The following TSG101 variants were observed in gnomAD, a reference collection of about 807,000 sequenced individuals.
TSG101 encodes tumor susceptibility 101, also known as tumor susceptibility gene 101 protein.
TSG101 carries 19 observed loss-of-function variants against 48.5 expected under a neutral mutation model. That is an observed-to-expected ratio of 0.39 (90% CI 0.27 to 0.58). The LOEUF (loss-of-function observed/expected upper bound fraction) is 0.58, where lower values mean the gene tolerates loss of function less well. Ranked by LOEUF, TSG101 falls within the 20% of genes least tolerant of loss-of-function variation. The pLI, the probability that TSG101 is intolerant of heterozygous loss-of-function variation, is 0.55. For synonymous variants in TSG101, 174 were observed against 169.4 expected, an observed-to-expected ratio of 1.03 and a Z score of -0.21; for missense variants, 365 against 484.4, an observed-to-expected ratio of 0.75 and a Z score of 2.31.
intron 1 of TSG101, among the ~76,000 whole-genome samples, chr11:18,522,374 T>C (rs1000830995): frequency 3.9e-5 from 6 of 152,216 alleles, no homozygotes; most frequent in African/African-American, 1.4e-4. Flanking sequence ...TATACATACA[T>C]ATCCTTCCAG....
chr11:18,515,197 C>CA (rs1288883510), intron 3 of TSG101, among the ~76,000 whole-genome samples: 1 of 152,136 alleles, frequency 6.6e-6, no homozygotes, highest in Non-Finnish European at 1.5e-5. Context: ...AGCACTTTTT[C>CA]ATTTTATAAT....
intron 9 of TSG101, 169 bp downstream of exon 9, chr11:18,481,461 C>T: frequency 1.4e-6 from 2 of 1,417,402 alleles, no homozygotes; most frequent in Non-Finnish European, 1.8e-6. Context: ...ATCCTCAGTA[C>T]TCTGTAGGTA....
intron 3 of TSG101, among the ~76,000 whole-genome samples, chr11:18,515,148 G>C (rs1850150535): frequency 6.6e-6 from 1 of 152,090 alleles, no homozygotes; most frequent in Admixed American, 6.5e-5. Flanking sequence ...CTTCCTCTGT[G>C]ATCTTCCCAT....
At chr11:18,495,217 A>G (rs1482360862) in intron 7 of TSG101, among the ~76,000 whole-genome samples, 1 of 152,252 alleles carries the variant, frequency 6.6e-6, no homozygotes, top group Non-Finnish European at 1.5e-5. Context: ...AAGTTTTACC[A>G]AGAAAAATTC....
At chr11:18,481,988 GAAT>G (rs1849548426) in intron 8 of TSG101, 119 bp from the exon 9 acceptor site, 1 of 1,367,892 alleles carries the variant, frequency 7.3e-7, no homozygotes. Flanking sequence ...TCATGGATGA[GAAT>G]AATGTTTCAA....
intron 6 of TSG101, among the ~76,000 whole-genome samples, chr11:18,505,262 T>TG (rs1160982696): frequency 1.7e-5 from 2 of 115,982 alleles, no homozygotes; most frequent in African/African-American, 5.2e-5. Flanking sequence ...ATGCCAATCT[T>TG]TTTTTTTTTT....
In TSG101 at chr11:18,483,298, G is replaced by A. The variant is rs1490035973; in HGVS notation, c.843+572C>T. Among the ~76,000 whole-genome samples the A allele has an allele frequency of 6.6e-5, 10 of 151,810 alleles. No homozygotes were observed. The South Asian group carries it at 8.3e-4, about 13-fold the overall frequency. Reference sequence around the variant, plus strand: ...TCACCTGAGATCAGGAGTTCGGGACGAGCCTGGCCAACATGGTGATACCCC... The same window carrying A: ...TCACCTGAGATCAGGAGTTCGGGACAAGCCTGGCCAACATGGTGATACCCC... On this transcript the variant is annotated intron_variant, in intron 8 of 9. Coordinates refer to ENST00000251968, the MANE Select transcript of TSG101 (RefSeq NM_006292.4).
At chr11:18,514,908 G>A in intron 3 of TSG101, 67 bp from the exon 4 acceptor site, 1 of 1,396,482 alleles carries the variant, frequency 7.2e-7, no homozygotes, top group East Asian at 2.6e-5. Flanking sequence ...ATGGTTAAAG[G>A]AACAGAGGTT....
At chr11:18,515,641 C>A (rs908904492) in intron 3 of TSG101, among the ~76,000 whole-genome samples, 1 of 152,174 alleles carries the variant, frequency 6.6e-6, no homozygotes, top group Non-Finnish European at 1.5e-5. Flanking sequence ...TCACTTCCCC[C>A]AAGTTAGGTA....
At chr11:18,489,252 G>A (rs1446964975) in intron 7 of TSG101, among the ~76,000 whole-genome samples, 1 of 150,742 alleles carries the variant, frequency 6.6e-6, no homozygotes. Flanking sequence ...TGGAGATGAG[G>A]TCTCCCTACG....
chr11:18,510,051 A>G lies in TSG101; in HGVS notation c.358-386T>C, dbSNP rs572903815. Reference sequence around the variant, plus strand: ...TCACAATATTATTAAAGGCCATTAAAAGACATCAATGATATCTTGGAAATA... The same window carrying G: ...TCACAATATTATTAAAGGCCATTAAGAGACATCAATGATATCTTGGAAATA... On this transcript the variant is annotated intron_variant, in intron 4 of 9. Transcript: ENST00000251968. 4.6e-5 allele frequency among the ~76,000 whole-genome samples: 7 copies of G among 152,334 alleles called. No homozygotes were observed. The East Asian group carries it at 1.3e-3, about 29-fold the overall frequency.
At chr11:18,521,532 A>T (rs1473877389) in intron 1 of TSG101, among the ~76,000 whole-genome samples, 1 of 150,266 alleles carries the variant, frequency 6.7e-6, no homozygotes, top group East Asian at 2.0e-4. Context: ...TCACACCTGG[A>T]TAATTTTTAA....
chr11:18,491,760 C>G (rs1312537253), intron 7 of TSG101, among the ~76,000 whole-genome samples: 1 of 152,162 alleles, frequency 6.6e-6, no homozygotes, highest in East Asian at 1.9e-4. Context: ...AGGTCCTTAA[C>G]TAAAGAGTAT....
chr11:18,498,060 T>C (rs1849811166), intron 7 of TSG101, among the ~76,000 whole-genome samples: 1 of 148,154 alleles, frequency 6.7e-6, no homozygotes, highest in Non-Finnish European at 1.5e-5. Context: ...CTCTTCTGGA[T>C]GTTGAGTGTG....
At chr11:18,488,786 G>A (rs957224970) in intron 7 of TSG101, among the ~76,000 whole-genome samples, 2 of 152,046 alleles carry the variant, frequency 1.3e-5, no homozygotes, top group Admixed American at 1.3e-4. Context: ...CAGAAGGACA[G>A]AAATTTAGAG....
At chr11:18,525,990 T>G (rs1444263175) in intron 1 of TSG101, among the ~76,000 whole-genome samples, 1 of 152,238 alleles carries the variant, frequency 6.6e-6, no homozygotes, top group African/African-American at 2.4e-5. Flanking sequence ...AAGACTCAAC[T>G]CTCAATCATT....
chr11:18,498,907 G>GA, intron 7 of TSG101, among the ~76,000 whole-genome samples: 1 of 152,156 alleles, frequency 6.6e-6, no homozygotes, highest in African/African-American at 2.4e-5. Flanking sequence ...AAAACAAGAG[G>GA]AAAGTGTATC....
rs540337051 is a variant in TSG101 at position 18,509,570 on chromosome 11, C to T, written c.453G>A (p.Pro151=). ...VFSRPISASY[P]PYQATGPPNT... ...TTGGTGGCCCCGTTGCCTGGTATGG[C>T]GGATAGGATGCCGAAATAGGACGAG... The change falls in exon 5 of 10, where the codon CCG becomes CCA. Residue 151 remains proline (P), a synonymous_variant. Transcript: ENST00000251968. 1.7e-5 allele frequency: 27 copies of T among 1,613,524 alleles called. No individual in the cohort carries two copies. Among genetic ancestry groups the T allele is most frequent in the African/African-American group, 6.7e-5 (5 of 75,026 alleles).
intron 2 of TSG101, among the ~76,000 whole-genome samples, chr11:18,517,748 CAAT>C (rs1358990017): frequency 2.0e-5 from 3 of 152,184 alleles, no homozygotes; most frequent in Non-Finnish European, 2.9e-5. Context: ...TAAGTACACT[CAAT>C]GATGAAATTG....
Sources: gnomAD v4.1 joint callset for allele counts (sites outside exome capture counted in the v4.1 genomes callset) on GRCh38, gnomAD v4.1.1 for gene constraint, MANE v1.5 for transcripts, NCBI Gene and HGNC (gene_info 2026-07-23, HGNC 2026-07-21) for gene names.